The following RORA variants were observed in gnomAD, a reference collection of about 807,000 sequenced individuals.
The protein encoded by RORA is nuclear receptor ROR-alpha.
RORA carries 7 observed loss-of-function variants against 69.5 expected under a neutral mutation model. That is an observed-to-expected ratio of 0.10 (90% CI 0.06 to 0.19). The LOEUF is 0.19. RORA is among the 10% of genes least tolerant of loss of function. RORA has a pLI of 1.00. For missense variants in RORA, 457 were observed against 663.0 expected, an observed-to-expected ratio of 0.69 and a Z score of 3.41; for synonymous variants, 261 against 240.8, an observed-to-expected ratio of 1.08 and a Z score of -0.78.
intron 1 of RORA, among the ~76,000 whole-genome samples, chr15:61,116,777 T>C (rs1235615330): frequency 9.2e-5 from 14 of 152,226 alleles, no homozygotes; most frequent in African/African-American, 3.1e-4. Context: ...TTTTCTTTTT[T>C]CTGAGCCTCA....
intron 2 of RORA, among the ~76,000 whole-genome samples, chr15:60,565,092 T>C (rs775753356): frequency 2.0e-5 from 3 of 152,200 alleles, no homozygotes; most frequent in Non-Finnish European, 4.4e-5. Flanking sequence ...AGAAGAACAC[T>C]GTCTTCTTTT....
intron 1 of RORA, among the ~76,000 whole-genome samples, chr15:60,703,380 A>C (rs1157043205): frequency 2.0e-5 from 3 of 152,172 alleles, no homozygotes; most frequent in Non-Finnish European, 4.4e-5. Flanking sequence ...GTGTTACAGA[A>C]AATTGCATCT....
chr15:60,932,267 A>G (rs1892395546), intron 1 of RORA, among the ~76,000 whole-genome samples: 1 of 152,174 alleles, frequency 6.6e-6, no homozygotes. Context: ...TGGAGATGCC[A>G]TGAGCAGCTG....
At chr15:60,834,315 T>G (rs755027325) in intron 1 of RORA, among the ~76,000 whole-genome samples, 1 of 152,162 alleles carries the variant, frequency 6.6e-6, no homozygotes, top group Admixed American at 6.5e-5. Context: ...CCTTAATTCA[T>G]GGTAATAAAG....
At chr15:61,082,249 G>A (rs1163549866) in intron 1 of RORA, among the ~76,000 whole-genome samples, 2 of 152,210 alleles carry the variant, frequency 1.3e-5, no homozygotes, top group African/African-American at 4.8e-5. Context: ...AGCACTCTGG[G>A]AGGCCGCGGC....
At chr15:60,589,225 T>A (rs992620537) in intron 2 of RORA, among the ~76,000 whole-genome samples, 5 of 152,234 alleles carry the variant, frequency 3.3e-5, no homozygotes, top group African/African-American at 1.2e-4. Context: ...AAAGGCCAAG[T>A]TCTTCAAAAC....
chr15:60,895,375 G>A (rs2140461695), intron 1 of RORA, among the ~76,000 whole-genome samples: 2 of 152,338 alleles, frequency 1.3e-5, no homozygotes. Flanking sequence ...GGACAAATCA[G>A]TAATTGCTCC....
At chr15:60,790,822 G>A (rs769342255) in intron 1 of RORA, among the ~76,000 whole-genome samples, 9 of 152,168 alleles carry the variant, frequency 5.9e-5, no homozygotes, top group Non-Finnish European at 1.2e-4. Flanking sequence ...TTCTGGCCTA[G>A]CTTCAATTTC....
rs187539030 is a variant in RORA at position 60,922,972 on chromosome 15, A to G, written c.167-244286T>C. Among the ~76,000 whole-genome samples, 81 of 152,364 alleles carry G rather than the reference A, an allele frequency of 5.3e-4. 1 individual carries two copies. In the East Asian group the frequency reaches 0.012, roughly 23 times the overall value. ...TTTCCGGGAAGACAGACAAGGTGTG[A>G]TATCTGGTGTCACTGTGTGTATGAA... is the stretch of plus-strand genomic sequence containing the variant. On this transcript the variant is annotated intron_variant, in intron 1 of 10. Coordinates refer to ENST00000335670, the MANE Select transcript of RORA (RefSeq NM_134261.3).
chr15:60,538,663 TTAGA>T (rs1420991312), intron 2 of RORA, among the ~76,000 whole-genome samples: 3 of 152,198 alleles, frequency 2.0e-5, no homozygotes, highest in Admixed American at 6.5e-5. Flanking sequence ...AAAAGAGCAC[TTAGA>T]TGGAGAGGTC....
chr15:60,781,453 C>T (rs2072253588), intron 1 of RORA, among the ~76,000 whole-genome samples: 1 of 152,186 alleles, frequency 6.6e-6, no homozygotes, highest in African/African-American at 2.4e-5. Context: ...GCCTGGCCTG[C>T]TTACCAGTGT....
chr15:61,224,065 T>C (rs2140950865), intron 1 of RORA, among the ~76,000 whole-genome samples: 1 of 152,090 alleles, frequency 6.6e-6, no homozygotes, highest in African/African-American at 2.4e-5. Context: ...AGAGTATTAT[T>C]CCTAAATTTT....
At chr15:61,180,793 A>G (rs1311872331) in intron 1 of RORA, among the ~76,000 whole-genome samples, 1 of 152,182 alleles carries the variant, frequency 6.6e-6, no homozygotes, top group Non-Finnish European at 1.5e-5. Flanking sequence ...CATGGCAGAC[A>G]CTTTAAAAAT....
chr15:60,533,623 G>C (rs949753387), intron 2 of RORA, among the ~76,000 whole-genome samples: 1 of 152,162 alleles, frequency 6.6e-6, no homozygotes, highest in Non-Finnish European at 1.5e-5. Context: ...TTTCAGAGAC[G>C]TGGAAAAGCC....
At chr15:60,825,918 C>A (rs181265058) in intron 1 of RORA, among the ~76,000 whole-genome samples, 2 of 152,166 alleles carry the variant, frequency 1.3e-5, no homozygotes, top group African/African-American at 4.8e-5. Flanking sequence ...TATCACAGTT[C>A]CTGAAATTCT....
chr15:61,107,562 G>C (rs928537584), intron 1 of RORA, among the ~76,000 whole-genome samples: 6 of 152,062 alleles, frequency 3.9e-5, no homozygotes, highest in African/African-American at 1.4e-4. Flanking sequence ...AAGCAAAAGA[G>C]CTTAAGGGAA....
At chr15:60,624,131 T>A (rs2069498710) in intron 2 of RORA, among the ~76,000 whole-genome samples, 1 of 152,270 alleles carries the variant, frequency 6.6e-6, no homozygotes, top group East Asian at 1.9e-4. Context: ...GAGGCCAGGC[T>A]GTGCTTTCTA....
chr15:61,199,234 C>T (rs2079873697), intron 1 of RORA, among the ~76,000 whole-genome samples: 1 of 151,480 alleles, frequency 6.6e-6, no homozygotes, highest in Admixed American at 6.6e-5. Flanking sequence ...CTCTCGGGAG[C>T]AGTGCCAATA....
intron 1 of RORA, among the ~76,000 whole-genome samples, chr15:60,915,491 G>T (rs185403407): frequency 6.6e-6 from 1 of 152,330 alleles, no homozygotes; most frequent in African/African-American, 2.4e-5. Flanking sequence ...TGATTTGCCA[G>T]ATTGTTTCTC....
Sources: allele counts gnomAD v4.1 joint callset (sites outside exome capture counted in the v4.1 genomes callset), GRCh38; gene constraint gnomAD v4.1.1; transcripts MANE v1.5; gene names NCBI Gene and HGNC (gene_info 2026-07-23, HGNC 2026-07-21).